The following TPD52 variants were observed in gnomAD, a reference collection of about 807,000 sequenced individuals.
The protein encoded by TPD52 is tumor protein D52, also known as prostate and colon associated protein.
TPD52 carries 17 observed loss-of-function variants against 31.3 expected under a neutral mutation model. That is an observed-to-expected ratio of 0.54 (90% CI 0.37 to 0.82). The LOEUF (loss-of-function observed/expected upper bound fraction) is 0.82, where lower values mean the gene tolerates loss of function less well. TPD52 is among the 40% of genes least tolerant of loss of function. TPD52 has a pLI of 0.00. For synonymous variants in TPD52, 83 were observed against 89.6 expected, an observed-to-expected ratio of 0.93 and a Z score of 0.42; for missense variants, 212 against 240.1, an observed-to-expected ratio of 0.88 and a Z score of 0.77.
chr8:80,141,676 C>T (rs1441874224), intron 1 of TPD52, among the ~76,000 whole-genome samples: 1 of 152,148 alleles, frequency 6.6e-6, no homozygotes, highest in African/African-American at 2.4e-5. Context: ...CTTTGGGAGG[C>T]TGAGGTGGGC....
intron 1 of TPD52, among the ~76,000 whole-genome samples, chr8:80,150,168 C>A (rs1810471758): frequency 1.3e-5 from 2 of 152,234 alleles, no homozygotes; most frequent in South Asian, 2.1e-4. Context: ...AGGTACAGCT[C>A]CAACTGTGGC....
chr8:80,162,458 G>A (rs1036216153), intron 1 of TPD52, among the ~76,000 whole-genome samples: 3 of 151,898 alleles, frequency 2.0e-5, no homozygotes, highest in Non-Finnish European at 4.4e-5. Flanking sequence ...AACCTCTCTA[G>A]GAAACAGACA....
chr8:80,059,796 G>A (rs1047864010), intron 2 of TPD52, among the ~76,000 whole-genome samples: 2 of 152,158 alleles, frequency 1.3e-5, no homozygotes, highest in African/African-American at 4.8e-5. Context: ...AGAGGTTGCA[G>A]TGAGACGAGA....
intron 6 of TPD52, 130 bp from the exon 7 acceptor site, chr8:80,042,798 T>C (rs1420209869): frequency 2.7e-6 from 2 of 749,980 alleles, no homozygotes; most frequent in African/African-American, 1.8e-5. Flanking sequence ...ATCTGTACCA[T>C]ATATGTGCAG....
At chr8:80,034,568 A>T (rs1809783821), downstream of TPD52, among the ~76,000 whole-genome samples, 1 of 152,202 alleles carries the variant, frequency 6.6e-6, no homozygotes, top group African/African-American at 2.4e-5. Context: ...AATGGATAAG[A>T]TCATTAAGGG....
intron 1 of TPD52, among the ~76,000 whole-genome samples, chr8:80,092,590 T>TA (rs898849833): frequency 1.3e-5 from 2 of 152,068 alleles, no homozygotes; most frequent in Non-Finnish European, 2.9e-5. Flanking sequence ...TACTTGGCCA[T>TA]AAAAAAATGA....
chr8:80,124,868 G>A (rs1808495405), intron 1 of TPD52, among the ~76,000 whole-genome samples: 1 of 152,112 alleles, frequency 6.6e-6, no homozygotes, highest in African/African-American at 2.4e-5. Context: ...CAGCAAAATT[G>A]AGCAGAAAGT....
chr8:80,073,147 T>A (rs1242753002), intron 1 of TPD52, among the ~76,000 whole-genome samples: 1 of 151,976 alleles, frequency 6.6e-6, no homozygotes, highest in Non-Finnish European at 1.5e-5. Context: ...AGGTATTAAC[T>A]CAAAAAAAAT....
chr8:80,125,806 T>C (rs1192137442), intron 1 of TPD52, among the ~76,000 whole-genome samples: 1 of 152,216 alleles, frequency 6.6e-6, no homozygotes, highest in Non-Finnish European at 1.5e-5. Flanking sequence ...AGAGATAAAC[T>C]ATTAAACCTT....
At chr8:80,080,756 C>T (rs1178320233) in intron 1 of TPD52, 2 of 1,064,080 alleles carry the variant, frequency 1.9e-6, no homozygotes, top group Middle Eastern at 4.2e-4. Flanking sequence ...GCGAGCTTTC[C>T]TCAGTCAACA....
chr8:80,065,738 A>T (rs1013568380), intron 1 of TPD52, among the ~76,000 whole-genome samples: 1 of 152,158 alleles, frequency 6.6e-6, no homozygotes, highest in African/African-American at 2.4e-5. Context: ...GAACAGCACT[A>T]TTGGTAATCT....
rs1809882926 is a variant in TPD52, at chr8:80,036,047, T to C, written c.*2069A>G. 1 of 152,202 alleles carries C rather than the reference T, an allele frequency of 6.6e-6. No homozygotes were observed. Among genetic ancestry groups the C allele is most frequent in the South Asian group, 2.1e-4 (1 of 4,828 alleles). 9.4% of individuals were successfully genotyped at this position (152,202 alleles called of 1,614,324 possible). A position where few individuals can be genotyped will look rare whatever the true frequency, so the allele number is the denominator to read the frequency against. On this transcript the variant is annotated 3_prime_UTR_variant, in exon 8 of 8. Coordinates refer to ENST00000518937, the MANE Select transcript of TPD52 (RefSeq NM_001025253.3). The stretch of plus-strand genomic sequence containing the variant: ...ACTTTACAGTAGATTACTTTGTTTC[T>C]TAGATTAAGTATAGGTAGATGTCTA...
At chr8:80,110,348 T>C (rs1421120894) in intron 1 of TPD52, among the ~76,000 whole-genome samples, 1 of 151,982 alleles carries the variant, frequency 6.6e-6, no homozygotes, top group Non-Finnish European at 1.5e-5. Context: ...CTCACTGTGA[T>C]TAGAAAAAAA....
chr8:80,055,206 C>G (rs890271860), intron 2 of TPD52, among the ~76,000 whole-genome samples: 2 of 152,190 alleles, frequency 1.3e-5, no homozygotes, highest in Admixed American at 6.5e-5. Context: ...CTAATGAAAG[C>G]TGCAAAGACA....
At chr8:80,061,360 A>C (rs1812511760) in intron 2 of TPD52, among the ~76,000 whole-genome samples, 2 of 141,100 alleles carry the variant, frequency 1.4e-5, no homozygotes, top group Non-Finnish European at 3.1e-5. Context: ...GTGAAACTCC[A>C]TACCTTCCCC....
chr8:80,068,764 T>A (rs1813435163), intron 1 of TPD52, among the ~76,000 whole-genome samples: 2 of 152,172 alleles, frequency 1.3e-5, no homozygotes, highest in Admixed American at 6.5e-5. Flanking sequence ...AGAGTTCTAG[T>A]GTCTCAGGGG....
intron 5 of TPD52, 153 bp downstream of exon 5, chr8:80,050,292 A>G: frequency 1.7e-6 from 1 of 577,238 alleles, no homozygotes; most frequent in Non-Finnish European, 2.9e-6. Flanking sequence ...CCCTCCCTTG[A>G]AATTAGGAAT....
intron 1 of TPD52, among the ~76,000 whole-genome samples, chr8:80,108,652 G>A (rs896116996): frequency 3.3e-5 from 5 of 152,054 alleles, no homozygotes; most frequent in East Asian, 3.8e-4. Context: ...CATGAAAGTG[G>A]GTAAGAATTC....
At chr8:80,042,594 A>C (rs766825442) in intron 7 of TPD52, 26 bp downstream of exon 7, 3 of 1,593,992 alleles carry the variant, frequency 1.9e-6, no homozygotes, top group Non-Finnish European at 2.6e-6. Flanking sequence ...ATGTATCAAA[A>C]AGACCCTGTT....
Sources: allele counts gnomAD v4.1 joint callset (sites outside exome capture counted in the v4.1 genomes callset), GRCh38; gene constraint gnomAD v4.1.1; transcripts MANE v1.5; gene names NCBI Gene and HGNC (gene_info 2026-07-23, HGNC 2026-07-21).